The following LMNTD1 variants were observed in gnomAD, a reference collection of about 807,000 sequenced individuals.
LMNTD1 encodes lamin tail domain-containing protein 1.
Under a neutral mutation model 50.9 loss-of-function variants are expected in LMNTD1, and 35 were observed. The observed-to-expected ratio is 0.69, with a 90% CI of 0.53 to 0.91. The LOEUF (loss-of-function observed/expected upper bound fraction) is 0.91, where lower values mean the gene tolerates loss of function less well. Among genes scored for constraint, LMNTD1 ranks in the 40% least tolerant of loss-of-function variants. LMNTD1 has a pLI of 0.00. For missense variants in LMNTD1, 470 were observed against 475.5 expected, an observed-to-expected ratio of 0.99 and a Z score of 0.11; for synonymous variants, 153 against 161.9, an observed-to-expected ratio of 0.94 and a Z score of 0.42.
upstream of LMNTD1, among the ~76,000 whole-genome samples, chr12:25,554,693 G>A (rs1347418244): frequency 6.6e-6 from 1 of 152,142 alleles, no homozygotes; most frequent in East Asian, 1.9e-4. Context: ...CCACAATGTG[G>A]CAGATAATCC....
chr12:25,594,251 C>T (rs1194034431), intron 1 of LMNTD1, among the ~76,000 whole-genome samples: 2 of 152,152 alleles, frequency 1.3e-5, no homozygotes, highest in Admixed American at 1.3e-4. Context: ...ATTGCCTAGG[C>T]ACATTGTCAT....
upstream of LMNTD1, among the ~76,000 whole-genome samples, chr12:25,554,415 G>C (rs1943945220): frequency 6.6e-6 from 1 of 152,200 alleles, no homozygotes; most frequent in African/African-American, 2.4e-5. Flanking sequence ...AAAAACTTTT[G>C]AAGGCTTTGA....
intron 9 of LMNTD1, among the ~76,000 whole-genome samples, chr12:25,496,061 C>G (rs1939053208): frequency 1.3e-5 from 2 of 152,048 alleles, no homozygotes; most frequent in Admixed American, 1.3e-4. Context: ...ATAAGGAAAA[C>G]CCTTTGAGCT....
intron 1 of LMNTD1, among the ~76,000 whole-genome samples, chr12:25,647,564 T>C (rs1038413194): frequency 1.3e-5 from 2 of 152,186 alleles, no homozygotes; most frequent in African/African-American, 2.4e-5. Flanking sequence ...TTGGAAGTAG[T>C]TAAAATATAA....
intron 1 of LMNTD1, among the ~76,000 whole-genome samples, chr12:25,630,974 G>A (rs1946705635): frequency 6.6e-6 from 1 of 152,206 alleles, no homozygotes; most frequent in South Asian, 2.1e-4. Context: ...GGCAGAGTGG[G>A]AGTGAGACCA....
At chr12:25,573,131 GAA>G (rs754201539) in intron 1 of LMNTD1, among the ~76,000 whole-genome samples, 1 of 152,036 alleles carries the variant, frequency 6.6e-6, no homozygotes, top group African/African-American at 2.4e-5. Context: ...CAAATTCAGA[GAA>G]TCCATCTGGT....
chr12:25,526,061 TAAA>T, intron 6 of LMNTD1, 35 bp downstream of exon 6: 5 of 1,212,640 alleles, frequency 4.1e-6, no homozygotes, highest in South Asian at 1.7e-5. Flanking sequence ...GCACAATATT[TAAA>T]AAAAAAAAAC....
chr12:25,556,069 T>C (rs1211922034), upstream of LMNTD1, among the ~76,000 whole-genome samples: 2 of 147,598 alleles, frequency 1.4e-5, no homozygotes, highest in African/African-American at 5.1e-5. Flanking sequence ...GCCTCCTAGG[T>C]TCAAGTGATT....
At chr12:25,502,030 G>T (rs1461194178) in intron 9 of LMNTD1, among the ~76,000 whole-genome samples, 1 of 152,028 alleles carries the variant, frequency 6.6e-6, no homozygotes, top group African/African-American at 2.4e-5. Flanking sequence ...AAAACAGGGT[G>T]GGCAGATTTT....
chr12:25,507,181 A>G (rs924154233), intron 8 of LMNTD1, among the ~76,000 whole-genome samples: 16 of 152,096 alleles, frequency 1.1e-4, no homozygotes, highest in African/African-American at 3.9e-4. Flanking sequence ...CAGACACATT[A>G]TATCTATATA....
chr12:25,648,544 T>G, exon 1 of LMNTD1: 1 of 1,551,624 alleles, frequency 6.4e-7, no homozygotes, highest in Non-Finnish European at 8.7e-7. Flanking sequence ...TCTCACTGGC[T>G]GTTGCATGTA....
intron 4 of LMNTD1, among the ~76,000 whole-genome samples, chr12:25,539,135 A>G (rs1472574390): frequency 4.7e-5 from 7 of 147,520 alleles, no homozygotes; most frequent in African/African-American, 1.8e-4. Flanking sequence ...GGAGACTTTA[A>G]CACCCCACTG....
chr12:25,600,068 C>A (rs891547394), intron 1 of LMNTD1, among the ~76,000 whole-genome samples: 2 of 151,918 alleles, frequency 1.3e-5, no homozygotes, highest in Non-Finnish European at 2.9e-5. Flanking sequence ...CTATAGTAAC[C>A]AAAACAGCAT....
chr12:25,541,709 A>G (rs1943089046), intron 4 of LMNTD1, among the ~76,000 whole-genome samples: 1 of 135,680 alleles, frequency 7.4e-6, no homozygotes, highest in Non-Finnish European at 1.6e-5. Context: ...ACAAAAGACA[A>G]AATTGACAAA....
intron 4 of LMNTD1, among the ~76,000 whole-genome samples, chr12:25,527,926 T>C (rs1941934090): frequency 6.6e-6 from 1 of 151,770 alleles, no homozygotes; most frequent in South Asian, 2.1e-4. Context: ...ATAGTCTTTG[T>C]TCATGGTTTA....
At position 25,518,902 on chromosome 12, in the gene LMNTD1, G is replaced by A. The variant is rs1302186232; in HGVS notation, c.1082C>T (p.Ser361Phe). 1 of 1,614,152 alleles carries A rather than the reference G, an allele frequency of 6.2e-7. No individual in the cohort carries two copies. Among genetic ancestry groups the A allele is most frequent in the South Asian group, 1.1e-5 (1 of 91,078 alleles). Residue 361 changes from serine (S) to phenylalanine (F), a missense_variant, in exon 8 of 10, where the codon TCT becomes TTT. Ser to Phe is a radical substitution (Grantham distance 155, BLOSUM62 -2). Coordinates refer to ENST00000458174, the MANE Select transcript of LMNTD1 (RefSeq NM_001145728.2). ...AATCAGAGGACAGTAAGGATGTGCA[G>A]AGACATAGGGATTCTGGCACCAAGG... ...RSPWCQNPYV[S>F]AHPYCPLIEP...
At chr12:25,537,025 T>A (rs1942645536) in intron 4 of LMNTD1, among the ~76,000 whole-genome samples, 2 of 152,164 alleles carry the variant, frequency 1.3e-5, no homozygotes, top group Admixed American at 1.3e-4. Flanking sequence ...CTGACGGGCT[T>A]AAAAAACGGC....
At chr12:25,572,479 C>T (rs917631674) in intron 1 of LMNTD1, among the ~76,000 whole-genome samples, 31 of 152,062 alleles carry the variant, frequency 2.0e-4, no homozygotes, top group African/African-American at 7.0e-4. Flanking sequence ...TACAGAAATC[C>T]ATCATTTTCA....
At chr12:25,588,178 G>A (rs1387737661) in intron 1 of LMNTD1, among the ~76,000 whole-genome samples, 1 of 152,080 alleles carries the variant, frequency 6.6e-6, no homozygotes, top group African/African-American at 2.4e-5. Flanking sequence ...CAGGAATAAG[G>A]TACCAATAAA....
Sources: allele counts gnomAD v4.1 joint callset (sites outside exome capture counted in the v4.1 genomes callset), GRCh38; gene constraint gnomAD v4.1.1; transcripts MANE v1.5; gene names NCBI Gene and HGNC (gene_info 2026-07-23, HGNC 2026-07-21).